WDFY4: variants seen among roughly 807,000 people sequenced by gnomAD.
WDFY4 encodes WDFY family member 4, also known as WD repeat- and FYVE domain-containing protein 4.
A neutral mutation model predicts 351.9 loss-of-function variants in WDFY4; 169 were observed. That is an observed-to-expected ratio of 0.48 (90% CI 0.42 to 0.55). The LOEUF (loss-of-function observed/expected upper bound fraction) is 0.55, where lower values mean the gene tolerates loss of function less well. WDFY4 is among the 20% of genes least tolerant of loss of function. WDFY4 has a pLI of 0.00. For missense variants in WDFY4, 3,803 were observed against 3,935.6 expected, an observed-to-expected ratio of 0.97 and a Z score of 0.90; for synonymous variants, 1,622 against 1,574.6, an observed-to-expected ratio of 1.03 and a Z score of -0.71.
At chr10:48,910,248 T>C in intron 47 of WDFY4, 1 of 1,613,668 alleles carries the variant, frequency 6.2e-7, no homozygotes, top group African/African-American at 1.3e-5. Flanking sequence ...TAGGAAGATG[T>C]CAAGCGTATT....
At chr10:48,863,483 C>T (rs758634716) in intron 39 of WDFY4, among the ~76,000 whole-genome samples, 4 of 152,118 alleles carry the variant, frequency 2.6e-5, no homozygotes, top group East Asian at 1.9e-4. Flanking sequence ...GCTTATTAGC[C>T]ATTTGAATAT....
chr10:48,727,331 A>T, intron 6 of WDFY4, 139 bp from the exon 7 acceptor site: 1 of 936,460 alleles, frequency 1.1e-6, no homozygotes, highest in Non-Finnish European at 1.6e-6. Context: ...TCCTGATCCA[A>T]GAGCCAGCAG....
chr10:48,755,787 A>G (rs2065319618), intron 12 of WDFY4, among the ~76,000 whole-genome samples: 1 of 152,084 alleles, frequency 6.6e-6, no homozygotes. Context: ...CTCTCCAAAG[A>G]TATTCTTCCT....
Position 48,762,071 on chromosome 10 carries a change from C to T in WDFY4, c.2553+1631C>T, listed in dbSNP as rs543369810. Among the ~76,000 whole-genome samples, 17 of 152,294 alleles carry T rather than the reference C, an allele frequency of 1.1e-4. No homozygotes were observed. In the South Asian group the frequency reaches 3.5e-3, roughly 32 times the overall value. ...AGAGGGACCTGGCACTCCCAGGAAG[C>T]AATGAGGAGTCCAGCTTTGCTTTGT... On this transcript the variant is annotated intron_variant, in intron 13 of 61. Coordinates refer to ENST00000325239, the MANE Select transcript of WDFY4 (RefSeq NM_001394531.1).
Position 48,780,119 on chromosome 10 carries a change from G to A in WDFY4, c.3576G>A (p.Lys1192=), listed in dbSNP as rs1478527361. The part of the protein sequence containing the change: ...CLDGQVIGSA[K]MLYIQALPGP... ...ATGGACAGGTCATTGGCTCTGCCAAGGTGAGATGGCTCCTCCAAGCTGCAC... is the reference window on the plus strand; with the variant it reads ...ATGGACAGGTCATTGGCTCTGCCAAAGTGAGATGGCTCCTCCAAGCTGCAC... Residue 1192 remains lysine (K), a splice_region_variant and synonymous_variant, in exon 19 of 62, where the codon AAG becomes AAA. Transcript: ENST00000325239. The A allele has an allele frequency of 3.2e-6, 5 of 1,551,830 alleles. No homozygotes were observed. The highest frequency in any genetic ancestry group is 4.4e-6 in the Non-Finnish European group (5 of 1,146,936).
intron 47 of WDFY4, chr10:48,909,940 G>C (rs1400021597): frequency 1.3e-5 from 5 of 394,618 alleles, no homozygotes; most frequent in Non-Finnish European, 2.3e-5. Flanking sequence ...AAGTCTTAAA[G>C]TCTTAAATAT....
chr10:48,830,453 G>A (rs1322467355), intron 37 of WDFY4, among the ~76,000 whole-genome samples: 3 of 152,196 alleles, frequency 2.0e-5, no homozygotes, highest in Non-Finnish European at 4.4e-5. Flanking sequence ...TGTGAGGCAG[G>A]CAGGAATTGG....
chr10:48,963,465 A>G (rs1841949247), intron 53 of WDFY4, among the ~76,000 whole-genome samples: 1 of 152,178 alleles, frequency 6.6e-6, no homozygotes, highest in Non-Finnish European at 1.5e-5. Flanking sequence ...GGTCAGAACC[A>G]GCTCTCCTTG....
intron 19 of WDFY4, among the ~76,000 whole-genome samples, chr10:48,784,981 C>G (rs532911780): frequency 6.6e-6 from 1 of 151,494 alleles, no homozygotes; most frequent in Non-Finnish European, 1.5e-5. Flanking sequence ...CCTCAGCCTC[C>G]CCAGTAGCTG....
rs557199719 is a variant in WDFY4, at chr10:48,781,278, A to G, written c.3576+1159A>G. Among the ~76,000 whole-genome samples, 111 of 150,398 alleles carry G rather than the reference A, an allele frequency of 7.4e-4. 1 individual carries two copies. The highest frequency in any genetic ancestry group is 1.3e-3 in the South Asian group (6 of 4,708). Reference sequence around the variant, plus strand: ...TATGTGTGTGTGTGTATATATATATATGTGTGTGTGTGTGTATATATATAT... The same window carrying G: ...TATGTGTGTGTGTGTATATATATATGTGTGTGTGTGTGTGTATATATATAT... On this transcript the variant is annotated intron_variant, in intron 19 of 61. Coordinates refer to ENST00000325239, the MANE Select transcript of WDFY4 (RefSeq NM_001394531.1).
intron 17 of WDFY4, among the ~76,000 whole-genome samples, chr10:48,777,982 A>G (rs2066089230): frequency 6.6e-6 from 1 of 152,220 alleles, no homozygotes; most frequent in African/African-American, 2.4e-5. Context: ...AGAGAGAAAT[A>G]TGAGTTGGGC....
chr10:48,797,158 G>C (rs2066903692), intron 24 of WDFY4, among the ~76,000 whole-genome samples: 1 of 152,186 alleles, frequency 6.6e-6, no homozygotes, highest in African/African-American at 2.4e-5. Context: ...TCCAGGTGGA[G>C]TGTATATGCT....
rs1266012583 is a variant in WDFY4 at position 48,805,252 on chromosome 10, C to T, written c.4485-8C>T. 9 of 1,541,298 alleles carry T rather than the reference C, an allele frequency of 5.8e-6. No individual in the cohort carries two copies. The East Asian group carries it at 7.3e-5, about 13-fold the overall frequency. On this transcript the variant is annotated splice_polypyrimidine_tract_variant and splice_region_variant and intron_variant, in intron 25 of 61. Transcript: ENST00000325239. ...AAGCTTTTACTGTCTCTCTCCTGTA[C>T]TCACCAGGGAAGGACCCAGGAATGC... is the stretch of plus-strand genomic sequence containing the variant.
At chr10:48,848,166 C>G (rs2170133) in intron 39 of WDFY4, among the ~76,000 whole-genome samples, 65,222 of 152,002 alleles carry the variant, frequency 0.43, 15,162 homozygotes, top group East Asian at 0.71. Flanking sequence ...CAGGCTGTCC[C>G]GTCACTCAGT....
chr10:48,807,955 C>G lies in WDFY4; in HGVS notation c.4835C>G (p.Ser1612Cys). ...VISSPQLHLS[S>C]ESKEEMFLKL... Reference sequence around the variant, plus strand: ...TCTTCCCCCCAGCTTCATCTGTCCTCTGAGTAAGTAGCTCCAGGAAGAGCA... The same window carrying G: ...TCTTCCCCCCAGCTTCATCTGTCCTGTGAGTAAGTAGCTCCAGGAAGAGCA... Residue 1612 changes from serine to cysteine, a missense_variant, in exon 28 of 62, where the codon TCT becomes TGT. By Grantham distance (112) the Ser-to-Cys change is moderately radical (BLOSUM62 -1). Around this residue, in one of 3 missense-constraint regions of WDFY4, gnomAD observed 3,054 missense variants for 3,148.6 expected, o/e 0.97. Coordinates refer to ENST00000325239, the MANE Select transcript of WDFY4 (RefSeq NM_001394531.1). The G allele has an allele frequency of 2.6e-6, 4 of 1,540,524 alleles. No homozygotes were observed. The highest frequency in any genetic ancestry group is 3.5e-6 in the Non-Finnish European group (4 of 1,142,282).
chr10:48,970,055 A>AT lies in WDFY4; in HGVS notation c.8770-75dup, dbSNP rs1161416675. ...TCCCAAGGCACTCAGACTGGCCCAC[A>AT]TACCCCCGTGACTCTATCCTGGGCT... On this transcript the variant is annotated intron_variant, in intron 56 of 61. Transcript: ENST00000325239. The AT allele has an allele frequency of 2.7e-6, 4 of 1,472,852 alleles. No individual in the cohort carries two copies. In the Admixed American group the frequency reaches 8.6e-5, roughly 32 times the overall value. 91.2% of individuals were successfully genotyped at this position (1,472,852 alleles called of 1,614,324 possible).
chr10:48,694,081 A>G (rs545437534), intron 1 of WDFY4, among the ~76,000 whole-genome samples: 1 of 152,346 alleles, frequency 6.6e-6, no homozygotes, highest in South Asian at 2.1e-4. Context: ...AAATTTAATC[A>G]GCTAAATGGG....
chr10:48,828,615 G>A (rs1242352705), intron 36 of WDFY4, among the ~76,000 whole-genome samples, 163 bp from the exon 37 acceptor site: 3 of 152,062 alleles, frequency 2.0e-5, no homozygotes, highest in Non-Finnish European at 2.9e-5. Flanking sequence ...TATCTGCTGT[G>A]GAATTTCTTA....
intron 12 of WDFY4, chr10:48,746,194 A>G (rs907562866): frequency 6.6e-6 from 1 of 152,308 alleles, no homozygotes; most frequent in African/African-American, 2.4e-5. Context: ...AAAATCTCTC[A>G]TGATAAAGTG....
Sources: gnomAD v4.1 joint callset for allele counts (sites outside exome capture counted in the v4.1 genomes callset) on GRCh38, gnomAD v4.1.1 for gene constraint, gnomAD v4.1.1 regional missense constraint, MANE v1.5 for transcripts, NCBI Gene and HGNC (gene_info 2026-07-23, HGNC 2026-07-21) for gene names.